Variants in PHF24 observed in about 807,000 individuals in gnomAD.
PHF24 encodes the protein Galpha inhibitory interacting protein.
PHF24 carries 25 observed loss-of-function variants against 42.6 expected under a neutral mutation model. The observed-to-expected ratio is 0.59, with a 90% CI of 0.43 to 0.82. The LOEUF (loss-of-function observed/expected upper bound fraction) is 0.82, where lower values mean the gene tolerates loss of function less well. Among genes scored for constraint, PHF24 ranks in the 40% least tolerant of loss-of-function variants. The pLI is 0.00. For missense variants in PHF24, 470 were observed against 538.1 expected, an observed-to-expected ratio of 0.87 and a Z score of 1.25; for synonymous variants, 185 against 204.8, an observed-to-expected ratio of 0.90 and a Z score of 0.83.
the PHF24 span, among the ~76,000 whole-genome samples, chr9:34,858,589 G>C: frequency 3.3e-5 from 5 of 152,182 alleles, no homozygotes; most frequent in Admixed American, 6.5e-5. Flanking sequence ...CCTGAAGCCT[G>C]TGTCTGTTGG....
intron 7 of PHF24, 107 bp downstream of exon 7, chr9:34,977,748 C>T (rs1827253467): frequency 2.0e-6 from 2 of 992,818 alleles, no homozygotes; most frequent in Non-Finnish European, 1.5e-6. Flanking sequence ...CAAGCGCCCA[C>T]CCAAGAAACC....
chr9:34,690,036 G>T, the PHF24 span: 10 of 1,612,332 alleles, frequency 6.2e-6, no homozygotes, highest in African/African-American at 2.7e-5. Flanking sequence ...GGGGTGAGAG[G>T]CCGGAGAGAA....
At chr9:34,918,288 A>C in the PHF24 span, 1 of 1,279,554 alleles carries the variant, frequency 7.8e-7, no homozygotes, top group African/African-American at 1.5e-5. Context: ...CTTCCAGTAC[A>C]AAAACTAAGT....
the PHF24 span, among the ~76,000 whole-genome samples, chr9:34,914,595 A>ATC: frequency 6.6e-6 from 1 of 152,122 alleles, no homozygotes; most frequent in Admixed American, 6.5e-5. Flanking sequence ...TACAACAGAA[A>ATC]TCTCATTTTT....
chr9:34,826,113 G>A, the PHF24 span, among the ~76,000 whole-genome samples: 1 of 152,070 alleles, frequency 6.6e-6, no homozygotes, highest in East Asian at 1.9e-4. Flanking sequence ...CTGGAAACTG[G>A]ATCTCACTGG....
chr9:34,881,213 T>C, the PHF24 span, among the ~76,000 whole-genome samples: 1 of 152,094 alleles, frequency 6.6e-6, no homozygotes, highest in African/African-American at 2.4e-5. Context: ...TAAAGCAATG[T>C]TTAGAAGGAA....
chr9:34,922,594 A>G, the PHF24 span: 1,296 of 949,638 alleles, frequency 1.4e-3, 1 homozygote, highest in Non-Finnish European at 1.7e-3. Context: ...TCGCTTGTGA[A>G]GCACTGGGGA....
the PHF24 span, among the ~76,000 whole-genome samples, chr9:34,875,944 ACACACACT>A: frequency 2.1e-3 from 176 of 85,668 alleles, no homozygotes; most frequent in African/African-American, 8.7e-3. Flanking sequence ...ACACACACAC[ACACACACT>A]CTCTCTCTCT....
chr9:34,922,031 T>TAAAC, the PHF24 span, among the ~76,000 whole-genome samples: 7 of 152,138 alleles, frequency 4.6e-5, no homozygotes, highest in Non-Finnish European at 1.0e-4. Context: ...CCCCTAATAT[T>TAAAC]AAACATAAAA....
At chr9:34,948,684 A>G in the PHF24 span, among the ~76,000 whole-genome samples, 1 of 152,184 alleles carries the variant, frequency 6.6e-6, no homozygotes, top group South Asian at 2.1e-4. Flanking sequence ...GGTACACTTT[A>G]TGATATTTGC....
the PHF24 span, among the ~76,000 whole-genome samples, chr9:34,947,970 A>G: frequency 2.6e-5 from 4 of 152,014 alleles, no homozygotes; most frequent in African/African-American, 4.8e-5. Flanking sequence ...TTAGCCGGGC[A>G]TGGTGGCAGG....
the PHF24 span, among the ~76,000 whole-genome samples, chr9:34,800,903 G>A: frequency 2.6e-5 from 4 of 151,950 alleles, no homozygotes; most frequent in Admixed American, 2.0e-4. Flanking sequence ...GGGAGAAAAT[G>A]TTTGCAATCT....
chr9:34,869,028 G>A, the PHF24 span, among the ~76,000 whole-genome samples: 88 of 152,250 alleles, frequency 5.8e-4, no homozygotes, highest in African/African-American at 2.0e-3. Flanking sequence ...TCCTGCGTTC[G>A]TTTGCTGAGG....
the PHF24 span, among the ~76,000 whole-genome samples, chr9:34,776,636 T>C: frequency 6.6e-6 from 1 of 152,260 alleles, no homozygotes; most frequent in Non-Finnish European, 1.5e-5. Context: ...AGAATTCTCT[T>C]GTATCTCACT....
At chr9:34,763,975 A>G in the PHF24 span, among the ~76,000 whole-genome samples, 135,758 of 151,340 alleles carry the variant, frequency 0.9, 62,463 homozygotes, top group Non-Finnish European at 0.99. Context: ...TTTGTCTTTG[A>G]TTCTGTTTAT....
At chr9:34,770,990 G>C in the PHF24 span, among the ~76,000 whole-genome samples, 538 of 152,212 alleles carry the variant, frequency 3.5e-3, 2 homozygotes, top group Non-Finnish European at 6.2e-3. Flanking sequence ...GCGCATGACT[G>C]TAATCCCAGC....
chr9:34,763,594 T>G, the PHF24 span, among the ~76,000 whole-genome samples: 2 of 152,216 alleles, frequency 1.3e-5, no homozygotes, highest in African/African-American at 4.8e-5. Flanking sequence ...AAGGAGATTT[T>G]GGGCTGAGAC....
At chr9:34,837,095 C>T in the PHF24 span, 1 of 471,230 alleles carries the variant, frequency 2.1e-6, no homozygotes, top group Admixed American at 2.3e-5. Flanking sequence ...GCTCTTGTGG[C>T]TTCTGATCTT....
the PHF24 span, among the ~76,000 whole-genome samples, chr9:34,935,738 G>T: frequency 1.1e-3 from 152 of 134,506 alleles, 1 homozygote; most frequent in South Asian, 7.8e-4. Flanking sequence ...TTGTGTGTGG[G>T]GGGGGGGTGT....
Sources: gnomAD v4.1 joint callset for allele counts (sites outside exome capture counted in the v4.1 genomes callset) on GRCh38, gnomAD v4.1.1 for gene constraint, MANE v1.5 for transcripts, NCBI Gene and HGNC (gene_info 2026-07-23, HGNC 2026-07-21) for gene names.